The following PARP15 variants were observed in gnomAD, a reference collection of about 807,000 sequenced individuals.
The protein encoded by PARP15 is poly(ADP-ribose) polymerase family member 15, also known as protein mono-ADP-ribosyltransferase PARP15.
PARP15 carries 50 observed loss-of-function variants against 62.1 expected under a neutral mutation model. The ratio of observed to expected loss-of-function variants is 0.81; its 90% confidence interval spans 0.64 to 1.02. PARP15 has a LOEUF of 1.02. Among genes scored for constraint, PARP15 ranks in the 50% least tolerant of loss-of-function variants. The probability of loss-of-function intolerance (pLI) is 0.00; values close to 1 mark genes in which losing one functional copy is unlikely to be tolerated. For missense variants in PARP15, 820 were observed against 826.5 expected (o/e 0.99, Z 0.10); for synonymous variants, 309 against 293.1 (o/e 1.05, Z -0.55).
intron 1 of PARP15, among the ~76,000 whole-genome samples, chr3:122,596,273 T>C (rs1266602225): frequency 7.3e-6 from 1 of 137,138 alleles, no homozygotes; most frequent in Non-Finnish European, 1.5e-5. Flanking sequence ...GGATAATCCC[T>C]TGAACCAAGG....
At chr3:122,619,637 A>C (rs1936208791) in intron 6 of PARP15, 144 bp from the exon 7 acceptor site, 5 of 684,012 alleles carry the variant, frequency 7.3e-6, no homozygotes, top group South Asian at 1.7e-5. Context: ...GGAGGTTGCT[A>C]TAGAAAGAGC....
chr3:122,580,502 G>A (rs4677960), intron 1 of PARP15, among the ~76,000 whole-genome samples: 56,595 of 151,712 alleles, frequency 0.37, 10,984 homozygotes, highest in Admixed American at 0.46. Flanking sequence ...CAGATTTACC[G>A]TCTTAACCAT....
intron 3 of PARP15, among the ~76,000 whole-genome samples, chr3:122,612,507 G>C (rs1402466231): frequency 3.3e-5 from 5 of 151,184 alleles, no homozygotes; most frequent in Non-Finnish European, 7.4e-5. Context: ...CGCAATCTTG[G>C]CTCACTGCAA....
chr3:122,627,067 G>C, intron 9 of PARP15, 34 bp downstream of exon 9: 2 of 1,519,250 alleles, frequency 1.3e-6, no homozygotes, highest in Non-Finnish European at 1.8e-6. Flanking sequence ...TCACCCTGCT[G>C]GCTCTGATAA....
At position 122,601,036 on chromosome 3, in the gene PARP15, G is replaced by GTTTTTTTTTTTTTTTTTTT. The variant is rs771581231; in HGVS notation, c.187-4895_187-4877dup. ...CATTGGTTTTTGTTTGTCTTTTATG[G>GTTTTTTTTTTTTTTTTTTT]TTTTTTTTTTTTTTTTTTTTTTTGA... On this transcript the variant is annotated intron_variant, in intron 1 of 11. Coordinates refer to ENST00000464300, the MANE Select transcript of PARP15 (RefSeq NM_001113523.3). Among the ~76,000 whole-genome samples the GTTTTTTTTTTTTTTTTTTT allele has an allele frequency of 4.4e-4, 32 of 73,032 alleles. 2 individuals are homozygous for GTTTTTTTTTTTTTTTTTTT. Among genetic ancestry groups the GTTTTTTTTTTTTTTTTTTT allele is most frequent in the Non-Finnish European group, 5.5e-4 (23 of 42,104 alleles). 47.9% of individuals were successfully genotyped at this position (73,032 alleles called of 152,430 possible).
chr3:122,594,026 G>A (rs1472428803), intron 1 of PARP15, among the ~76,000 whole-genome samples: 2 of 152,132 alleles, frequency 1.3e-5, no homozygotes, highest in African/African-American at 4.8e-5. Flanking sequence ...GGTACTATTA[G>A]TAAGAATGAA....
rs778067526 is a variant in PARP15, at chr3:122,598,009, A to T, written c.187-7927A>T. 1.5e-3 allele frequency among the ~76,000 whole-genome samples: 236 copies of T among 152,276 alleles called. 1 individual carries two copies. The highest frequency in any genetic ancestry group is 3.3e-3 in the Admixed American group (51 of 15,300). On this transcript the variant is annotated intron_variant, in intron 1 of 11. Transcript: ENST00000464300. ...ACTGTTGTGTTATTTTGTATTTTTT[A>T]AAAAATATTTTCAATCAATGGTTGG...
chr3:122,619,869 A>G, intron 7 of PARP15, 26 bp downstream of exon 7: 1 of 1,589,366 alleles, frequency 6.3e-7, no homozygotes, highest in African/African-American at 1.3e-5. Flanking sequence ...ACTTTTGACT[A>G]CAAACTTGAA....
At chr3:122,625,790 C>G (rs146816370) in intron 8 of PARP15, among the ~76,000 whole-genome samples, 2 of 152,196 alleles carry the variant, frequency 1.3e-5, no homozygotes, top group African/African-American at 4.8e-5. Context: ...TTCAGCCCCC[C>G]GTCCATGGCT....
chr3:122,592,252 A>G (rs1178151746), intron 1 of PARP15, among the ~76,000 whole-genome samples: 1 of 152,262 alleles, frequency 6.6e-6, no homozygotes, highest in Non-Finnish European at 1.5e-5. Flanking sequence ...ATGGAATACT[A>G]TACTGCCATA....
intron 10 of PARP15, 125 bp downstream of exon 10, chr3:122,632,344 T>A: frequency 1.1e-6 from 1 of 931,740 alleles, no homozygotes; most frequent in Non-Finnish European, 1.6e-6. Flanking sequence ...GAATTAGACT[T>A]ACTCAAGTTC....
rs1295547982 is a variant in PARP15, at chr3:122,613,250, T to A, written c.753T>A (p.Asn251Lys). ...LQEVHFLVYT[N>K]DDEGCQAFLD... ...AAGTCCACTTTCTGGTATATACAAA[T>A]GACGATGAAGGCTGTCAGGTATGGT... The change falls in exon 4 of 12, where the codon AAT becomes AAA. Residue 251 changes from asparagine (N) to lysine (K), a missense_variant. Transcript: ENST00000464300. 1 of 1,548,520 alleles carries A rather than the reference T, an allele frequency of 6.5e-7. No homozygotes were observed. Among genetic ancestry groups the A allele is most frequent in the Non-Finnish European group, 8.7e-7 (1 of 1,143,792 alleles).
intron 9 of PARP15, among the ~76,000 whole-genome samples, chr3:122,629,420 C>G (rs898238529): frequency 6.6e-6 from 1 of 152,160 alleles, no homozygotes; most frequent in African/African-American, 2.4e-5. Context: ...CATGAGCCTA[C>G]GTGCTCAGCT....
chr3:122,625,974 T>G (rs1171898167), intron 8 of PARP15, among the ~76,000 whole-genome samples: 1 of 152,182 alleles, frequency 6.6e-6, no homozygotes, highest in Non-Finnish European at 1.5e-5. Context: ...GAACACACAC[T>G]ACGGGGACCT....
intron 1 of PARP15, among the ~76,000 whole-genome samples, chr3:122,596,208 T>C (rs763812289): frequency 1.3e-5 from 2 of 151,734 alleles, no homozygotes; most frequent in Non-Finnish European, 2.9e-5. Flanking sequence ...ATACAAAAAT[T>C]AGCTGGCCGT....
Position 122,619,762 on chromosome 3 carries a change from A to G in PARP15, c.1001-19A>G. The G allele has an allele frequency of 1.3e-6, 2 of 1,595,498 alleles. No homozygotes were observed. Among genetic ancestry groups the G allele is most frequent in the Middle Eastern group, 1.7e-4 (1 of 6,026 alleles). On this transcript the variant is annotated intron_variant, in intron 6 of 11. Coordinates refer to ENST00000464300, the MANE Select transcript of PARP15 (RefSeq NM_001113523.3). Reference sequence around the variant, plus strand: ...TGAATTCTAACTGATGCCTTTTACCATTAACATGTCTTATTTAGGTGTGTC... The same window carrying G: ...TGAATTCTAACTGATGCCTTTTACCGTTAACATGTCTTATTTAGGTGTGTC...
At chr3:122,615,355 C>G (rs1291847038) in intron 4 of PARP15, 7 of 1,293,032 alleles carry the variant, frequency 5.4e-6, no homozygotes, top group Middle Eastern at 4.2e-4. Context: ...CCAGAATGTA[C>G]CTAACAGCCA....
At chr3:122,627,163 T>C in intron 9 of PARP15, 130 bp downstream of exon 9, 1 of 797,226 alleles carries the variant, frequency 1.3e-6, no homozygotes, top group Non-Finnish European at 2.0e-6. Context: ...CTTCTTATGA[T>C]CCATGGGAAA....
rs1385069593 is a variant in PARP15, at chr3:122,577,913, A to G, written c.186+60A>G. On this transcript the variant is annotated intron_variant, in intron 1 of 11. Coordinates refer to ENST00000464300, the MANE Select transcript of PARP15 (RefSeq NM_001113523.3). ...CAGCAGGGCTGAGCCTGGGGCCCGCAAGACCCAGCAGCCCGAGCGGGCGCA... is the reference window on the plus strand; with the variant it reads ...CAGCAGGGCTGAGCCTGGGGCCCGCGAGACCCAGCAGCCCGAGCGGGCGCA... 3.4e-6 allele frequency: 5 copies of G among 1,455,762 alleles called. No homozygotes were observed. The East Asian group carries it at 1.0e-4, about 30-fold the overall frequency. The allele number at this position is 1,455,762 out of a possible 1,614,324, so 90.2% of individuals were successfully genotyped here.
Sources: gnomAD v4.1 joint callset for allele counts (sites outside exome capture counted in the v4.1 genomes callset) on GRCh38, gnomAD v4.1.1 for gene constraint, MANE v1.5 for transcripts, NCBI Gene and HGNC (gene_info 2026-07-23, HGNC 2026-07-21) for gene names.